Variants in MUC4 observed in about 807,000 individuals in gnomAD.
MUC4 encodes mucin-4.
A neutral mutation model predicts 257.9 loss-of-function variants in MUC4; 202 were observed. The ratio of observed to expected loss-of-function variants is 0.78; its 90% CI spans 0.70 to 0.88. MUC4 has a LOEUF of 0.88. Among genes scored for constraint, MUC4 ranks in the 40% least tolerant of loss-of-function variants. The probability of loss-of-function intolerance (pLI) is 0.00; values close to 1 mark genes in which losing one functional copy is unlikely to be tolerated. For synonymous variants in MUC4, 2,351 were observed against 2,757.1 expected, an observed-to-expected ratio of 0.85 and a Z score of 4.62; for missense variants, 5,976 against 6,513.7, an observed-to-expected ratio of 0.92 and a Z score of 2.84.
intron 18 of MUC4, among the ~76,000 whole-genome samples, chr3:195,756,363 C>A (rs1007499875): frequency 1.3e-5 from 2 of 152,224 alleles, no homozygotes; most frequent in East Asian, 3.8e-4. Context: ...CACCCCACAC[C>A]GCAGGGCCCT....
intron 14 of MUC4, 106 bp downstream of exon 14, chr3:195,761,981 A>G (rs1719051372): frequency 7.7e-7 from 1 of 1,292,240 alleles, no homozygotes; most frequent in Non-Finnish European, 1.1e-6. Context: ...TGCTCCAAGG[A>G]GGCGGAGAAA....
Position 195,780,448 on chromosome 3 carries a change from G to A in MUC4, c.11132C>T (p.Thr3711Ile), listed in dbSNP as rs556993216. Residue 3711 changes from threonine to isoleucine, a missense_variant, in exon 2 of 25, where the codon ACC becomes ATC. Physicochemically the swap from Thr to Ile is moderately conservative, Grantham distance 89. Transcript: ENST00000463781. Reference protein sequence around the residue: ...IPSSSSSGHTTPLPVTSTSSV... With the variant: ...IPSSSSSGHTIPLPVTSTSSV... ...GGAAGTGCTGGTGACAGGAAGAGGG[G>A]TGGTGTGACCTGAGGATGATGAGGA... 1.3e-6 allele frequency: 2 copies of A among 1,532,950 alleles called. No homozygotes were observed. 95.0% of individuals were successfully genotyped at this position (1,532,950 alleles called of 1,614,324 possible).
chr3:195,797,779 C>G (rs369234355), intron 1 of MUC4, among the ~76,000 whole-genome samples: 2 of 151,946 alleles, frequency 1.3e-5, no homozygotes, highest in Non-Finnish European at 1.5e-5. Context: ...ACATTATTAG[C>G]AAAGTTCTAT....
intron 1 of MUC4, among the ~76,000 whole-genome samples, chr3:195,799,447 T>C (rs901388556): frequency 2.0e-5 from 3 of 152,212 alleles, no homozygotes; most frequent in Admixed American, 2.0e-4. Context: ...ATTACAGGCA[T>C]GTGCCACCAT....
intron 18 of MUC4, among the ~76,000 whole-genome samples, chr3:195,754,897 G>GCA (rs1478776510): frequency 7.1e-5 from 2 of 28,034 alleles, no homozygotes; most frequent in Non-Finnish European, 1.9e-4. Flanking sequence ...ATGTATCCAT[G>GCA]TATGTATGTG....
intron 5 of MUC4, chr3:195,770,658 C>A: frequency 3.9e-6 from 2 of 511,552 alleles, no homozygotes; most frequent in Non-Finnish European, 7.1e-6. Flanking sequence ...GAGAGCAGAG[C>A]CACTCGGGCC....
At chr3:195,765,189 G>C in intron 9 of MUC4, 67 bp from the exon 10 acceptor site, 1 of 1,588,390 alleles carries the variant, frequency 6.3e-7, no homozygotes, top group East Asian at 2.3e-5. Context: ...GAACAAGCAG[G>C]GGCTGTTTCT....
intron 1 of MUC4, among the ~76,000 whole-genome samples, chr3:195,805,255 G>C (rs1000376370): frequency 1.3e-5 from 2 of 152,016 alleles, no homozygotes; most frequent in African/African-American, 4.8e-5. Context: ...TCCCACCACC[G>C]GTCATTTGAC....
chr3:195,798,553 A>T (rs1468978301), intron 1 of MUC4, among the ~76,000 whole-genome samples: 1 of 151,900 alleles, frequency 6.6e-6, no homozygotes, highest in Non-Finnish European at 1.5e-5. Flanking sequence ...AATACAAAAA[A>T]ATTAGCCGGG....
intron 3 of MUC4, among the ~76,000 whole-genome samples, chr3:195,775,213 G>C (rs1421102626): frequency 2.0e-5 from 3 of 152,034 alleles, no homozygotes; most frequent in Non-Finnish European, 2.9e-5. Flanking sequence ...AATGCCATTT[G>C]TACAATGCAA....
chr3:195,789,723 T>G lies in MUC4; in HGVS notation c.1857A>C (p.Ser619=). 1 of 1,613,956 alleles carries G rather than the reference T, an allele frequency of 6.2e-7. No individual in the cohort carries two copies. Among genetic ancestry groups the G allele is most frequent in the Non-Finnish European group, 8.5e-7 (1 of 1,179,862 alleles). Residue 619 remains serine, a synonymous_variant, in exon 2 of 25, where the codon TCA becomes TCC. Coordinates refer to ENST00000463781, the MANE Select transcript of MUC4 (RefSeq NM_018406.7). The part of the protein sequence containing the change: ...QITTAPSTNH[S]TIHSTSTSPQ... ...GAGAGGTGCTTGTGGAATGTATTGT[T>G]GAATGATTTGTTGATGGTGCCGTTG...
chr3:195,747,224 G>A lies in MUC4; in HGVS notation c.16191C>T (p.Ser5397=), dbSNP rs150973287. ...TCAGGAAATAGGAGAACCTGGCCCC[G>A]GAGCAACCCCAGAAGCGCAGGACCA... ...TFVVLRFWGC[S]GARFSYFLNS... The change falls in exon 25 of 25, where the codon TCC becomes TCT. Residue 5397 remains serine, a synonymous_variant. Transcript: ENST00000463781. 3.4e-5 allele frequency: 55 copies of A among 1,614,222 alleles called. No homozygotes were observed. Among genetic ancestry groups the A allele is most frequent in the African/African-American group, 1.7e-4 (13 of 75,062 alleles).
chr3:195,757,431 C>T lies in MUC4; in HGVS notation c.14987-103G>A, dbSNP rs1717890452. ...CCCCACCCCTCTCAGGCCACCCTCC[C>T]CCTCCCCAGACAAATCTCATTGGTC... On this transcript the variant is annotated intron_variant, in intron 17 of 24. Coordinates refer to ENST00000463781, the MANE Select transcript of MUC4 (RefSeq NM_018406.7). The surrounding 1 kb of genome is among the most constrained non-coding windows in gnomAD (Gnocchi z 4.8). 9.3e-7 allele frequency: 1 copy of T among 1,069,676 alleles called. No homozygotes were observed. Among genetic ancestry groups the T allele is most frequent in the South Asian group, 1.6e-5 (1 of 61,500 alleles). 66.3% of individuals were successfully genotyped at this position (1,069,676 alleles called of 1,614,324 possible). A position where few individuals can be genotyped will look rare whatever the true frequency, so the allele number is the denominator to read the frequency against.
In MUC4 at chr3:195,779,957, C is replaced by T. The variant is rs1478731890; in HGVS notation, c.11623G>A (p.Val3875Ile). Residue 3875 changes from valine to isoleucine, a missense_variant, in exon 2 of 25, where the codon GTT (valine) becomes ATT (isoleucine). Coordinates refer to ENST00000463781, the MANE Select transcript of MUC4 (RefSeq NM_018406.7). Reference sequence around the variant, plus strand: ...GTGGAAGCTGAGGAAAGGCCGGTAACAGGAAGAGGGGTGGCGTGACCTGTG... The same window carrying T: ...GTGGAAGCTGAGGAAAGGCCGGTAATAGGAAGAGGGGTGGCGTGACCTGTG... ...ASTGHATPLP[V>I]TGLSSASTGD... 35 of 1,445,850 alleles carry T rather than the reference C, an allele frequency of 2.4e-5. 2 individuals carry two copies. The highest frequency in any genetic ancestry group is 3.0e-5 in the Non-Finnish European group (33 of 1,090,966). 89.6% of individuals were successfully genotyped at this position (1,445,850 alleles called of 1,614,324 possible). A position where few individuals can be genotyped will look rare whatever the true frequency, so the allele number is the denominator to read the frequency against.
chr3:195,761,238 G>A (rs1171581684), intron 15 of MUC4, 121 bp from the exon 16 acceptor site: 17 of 915,182 alleles, frequency 1.9e-5, no homozygotes, highest in Middle Eastern at 6.3e-4. Context: ...GGGCCAGAGC[G>A]GTTTCCAGCT....
Position 195,747,236 on chromosome 3 carries a change from G to C in MUC4, c.16179C>G (p.Phe5393Leu). Residue 5393 changes from phenylalanine to leucine, a missense_variant, in exon 25 of 25, where the codon TTC becomes TTG. By Grantham distance (22) the Phe-to-Leu change is conservative. Around this residue, in one of 44 missense-constraint regions of MUC4, gnomAD observed 310 missense variants for 242.1 expected, o/e 1.28. Coordinates refer to ENST00000463781, the MANE Select transcript of MUC4 (RefSeq NM_018406.7). Reference sequence around the variant, plus strand: ...AGAACCTGGCCCCGGAGCAACCCCAGAAGCGCAGGACCACGAACGTCCCGA... The same window carrying C: ...AGAACCTGGCCCCGGAGCAACCCCACAAGCGCAGGACCACGAACGTCCCGA... The part of the protein sequence containing the change: ...LGVGTFVVLR[F>L]WGCSGARFSY... 1.2e-6 allele frequency: 2 copies of C among 1,614,272 alleles called. No individual in the cohort carries two copies. Among genetic ancestry groups the C allele is most frequent in the Non-Finnish European group, 1.7e-6 (2 of 1,180,044 alleles).
intron 20 of MUC4, 112 bp downstream of exon 20, chr3:195,752,939 T>C: frequency 2.0e-6 from 2 of 985,840 alleles, no homozygotes; most frequent in South Asian, 3.4e-5. Context: ...TGGAGCTCTG[T>C]CCTGTGACCC....
rs768250002 is a variant in MUC4 at position 195,788,660 on chromosome 3, C to A, written c.2920G>T (p.Ala974Ser). Reference protein sequence around the residue: ...KTFTTALISNATPLPVTYASS... With the variant: ...KTFTTALISNSTPLPVTYASS... ...GCGTAGGTGACAGGAAGAGGGGTGG[C>A]GTTGCTGATGAGGGCCGTGGTGAAG... The change falls in exon 2 of 25, where the codon GCC becomes TCC. Residue 974 changes from alanine to serine, a missense_variant. Ala to Ser is a moderately conservative substitution (Grantham distance 99). Around this residue, in one of 44 missense-constraint regions of MUC4, gnomAD observed 1,583 missense variants for 1,257.4 expected, o/e 1.26. Coordinates refer to ENST00000463781, the MANE Select transcript of MUC4 (RefSeq NM_018406.7). The A allele has an allele frequency of 1.2e-6, 2 of 1,606,636 alleles. No individual in the cohort carries two copies. The highest frequency in any genetic ancestry group is 1.3e-5 in the African/African-American group (1 of 74,228).
In MUC4 at chr3:195,747,394, G is replaced by A. The variant is rs539121029; in HGVS notation, c.16035-14C>T. 16 of 1,612,868 alleles carry A rather than the reference G, an allele frequency of 9.9e-6. No homozygotes were observed. The Admixed American group carries it at 1.0e-4, about 10-fold the overall frequency. On this transcript the variant is annotated splice_polypyrimidine_tract_variant and intron_variant, in intron 24 of 24. Coordinates refer to ENST00000463781, the MANE Select transcript of MUC4 (RefSeq NM_018406.7). ...AAGGACACACAGCTGGTGACCAAGA[G>A]AGACAGACAGGCGGTCAGAGGCGGG...
Sources: gnomAD v4.1 joint callset for allele counts (sites outside exome capture counted in the v4.1 genomes callset) on GRCh38, gnomAD v4.1.1 for gene constraint, gnomAD v4.1.1 regional missense constraint, Gnocchi (gnomAD v3.1) non-coding constraint, MANE v1.5 for transcripts, NCBI Gene and HGNC (gene_info 2026-07-23, HGNC 2026-07-21) for gene names.